KIF1B: variants seen among roughly 807,000 people sequenced by gnomAD.
The protein encoded by KIF1B is kinesin family member 1B, also known as kinesin-like protein KIF1B.
KIF1B carries 76 observed loss-of-function variants against 241.9 expected under a neutral mutation model. The ratio of observed to expected loss-of-function variants is 0.31; its 90% CI spans 0.26 to 0.38. The LOEUF is 0.38. Among genes scored for constraint, KIF1B ranks in the 10% least tolerant of loss-of-function variants. The pLI is 1.00. For synonymous variants in KIF1B, 750 were observed against 796.7 expected (o/e 0.94, Z 0.99); for missense variants, 1,622 against 2,271.4 (o/e 0.71, Z 5.81).
intron 28 of KIF1B, among the ~76,000 whole-genome samples, chr1:10,336,194 G>T (rs1009154892): frequency 1.3e-5 from 2 of 152,200 alleles, no homozygotes; most frequent in African/African-American, 4.8e-5. Context: ...TGTTGCCCAG[G>T]CTGGAGTGCA....
In KIF1B at chr1:10,303,016, G is replaced by T. The variant is rs1191230136; in HGVS notation, c.2115+5770G>T. Reference sequence around the variant, plus strand: ...TCCACATTATTGAGGGGTTTTTTTTGGTTTTGTTTTGTTTTTTAGTTTTTT... The same window carrying T: ...TCCACATTATTGAGGGGTTTTTTTTTGTTTTGTTTTGTTTTTTAGTTTTTT... On this transcript the variant is annotated intron_variant, in intron 22 of 48. Transcript: ENST00000676179. The surrounding 1 kb of genome is among the most constrained non-coding windows in gnomAD (Gnocchi z 5.2). The T allele has an allele frequency of 3.3e-5, 29 of 870,624 alleles. No homozygotes were observed. The highest frequency in any genetic ancestry group is 3.5e-4 in the Middle Eastern group (1 of 2,842). 53.9% of individuals were successfully genotyped at this position (870,624 alleles called of 1,614,324 possible). A position where few individuals can be genotyped will look rare whatever the true frequency, so the allele number is the denominator to read the frequency against.
intron 40 of KIF1B, 131 bp downstream of exon 40, chr1:10,361,956 T>A: frequency 1.0e-6 from 1 of 976,864 alleles, no homozygotes; most frequent in Non-Finnish European, 1.6e-6. Context: ...AACTGACACC[T>A]GGAATGTACT....
intron 37 of KIF1B, among the ~76,000 whole-genome samples, chr1:10,352,336 C>T (rs1272572915): frequency 6.6e-6 from 1 of 152,068 alleles, no homozygotes; most frequent in East Asian, 1.9e-4. Flanking sequence ...AGTTAAATGG[C>T]TGTTGCAGGT....
rs1064797106 is a variant in KIF1B at position 10,282,538 on chromosome 1, G to A, written c.1434+5G>A. ...GAAGCTATTGAACGTTTAAAGGTAAGTAATAGTTCAGACTGAATACAAGGT... is the reference window on the plus strand; with the variant it reads ...GAAGCTATTGAACGTTTAAAGGTAAATAATAGTTCAGACTGAATACAAGGT... On this transcript the variant is annotated splice_donor_5th_base_variant and intron_variant, in intron 15 of 48. Transcript: ENST00000676179. 1 of 1,608,538 alleles carries A rather than the reference G, an allele frequency of 6.2e-7. No individual in the cohort carries two copies. The highest frequency in any genetic ancestry group is 8.5e-7 in the Non-Finnish European group (1 of 1,174,910).
chr1:10,293,569 A>G (rs1202301006), intron 17 of KIF1B, among the ~76,000 whole-genome samples: 3 of 151,822 alleles, frequency 2.0e-5, no homozygotes, highest in Non-Finnish European at 2.9e-5. Context: ...TAAGTTTTGT[A>G]TTTTTAGTAG....
intron 22 of KIF1B, among the ~76,000 whole-genome samples, chr1:10,301,164 G>GAAAC (rs1175723015): frequency 1.3e-5 from 2 of 152,068 alleles, no homozygotes; most frequent in African/African-American, 4.8e-5. Flanking sequence ...AGCAAACAAA[G>GAAAC]AAACAAACAA....
In KIF1B at chr1:10,212,890, GTATATATATATATATATATATA is replaced by G. The variant is rs201066671; in HGVS notation, c.-80+2033_-80+2054del. ...TATGTGTGTGTGTGCATGCGTGTGTGTATATATATATATATATATATATATATATATATATATATATACACAC... is the reference window on the plus strand; with the variant it reads ...TATGTGTGTGTGTGCATGCGTGTGTGTATATATATATATATATATACACAC... On this transcript the variant is annotated intron_variant, in intron 1 of 48. Coordinates refer to ENST00000676179, the MANE Select transcript of KIF1B (RefSeq NM_001365951.3). 2.4e-3 allele frequency among the ~76,000 whole-genome samples: 261 copies of G among 109,494 alleles called. 2 individuals are homozygous for G. Among genetic ancestry groups the G allele is most frequent in the South Asian group, 9.0e-3 (29 of 3,238 alleles). 71.8% of individuals were successfully genotyped at this position (109,494 alleles called of 152,430 possible). A position where few individuals can be genotyped will look rare whatever the true frequency, so the allele number is the denominator to read the frequency against.
intron 22 of KIF1B, among the ~76,000 whole-genome samples, chr1:10,300,835 A>T (rs1650506014): frequency 6.6e-6 from 1 of 152,208 alleles, no homozygotes; most frequent in Non-Finnish European, 1.5e-5. Flanking sequence ...ATGAAAAGAA[A>T]AATTAATGTA....
At chr1:10,302,269 G>T in intron 22 of KIF1B, among the ~76,000 whole-genome samples, 1 of 152,048 alleles carries the variant, frequency 6.6e-6, no homozygotes, top group East Asian at 1.9e-4. Context: ...ATTTGTGTGT[G>T]TGAAAAACAA....
intron 28 of KIF1B, 47 bp from the exon 29 acceptor site, chr1:10,336,610 C>T (rs60373062): frequency 2.1e-6 from 3 of 1,442,424 alleles, no homozygotes; most frequent in Non-Finnish European, 2.9e-6. Flanking sequence ...CCTCCCTCCC[C>T]CTGTGTAGTC....
intron 3 of KIF1B, among the ~76,000 whole-genome samples, chr1:10,258,013 A>G (rs1647901219): frequency 6.6e-6 from 1 of 152,324 alleles, no homozygotes; most frequent in African/African-American, 2.4e-5. Flanking sequence ...GACAAAGCCT[A>G]ATTGTCAAGG....
rs34063243 is a variant in KIF1B at position 10,232,301 on chromosome 1, C to CATAT, written c.-18_-15dup. ...GATTTGATTCTTTATTTCTGGACTGCATATATATATATAACAAGGCCATTA... is the reference window on the plus strand; with the variant it reads ...GATTTGATTCTTTATTTCTGGACTGCATATATATATATATATAACAAGGCCATTA... On this transcript the variant is annotated 5_prime_UTR_variant, in exon 2 of 49. Coordinates refer to ENST00000676179, the MANE Select transcript of KIF1B (RefSeq NM_001365951.3). 8.4e-6 allele frequency: 12 copies of CATAT among 1,432,450 alleles called. No homozygotes were observed. In the African/African-American group the frequency reaches 1.5e-4, roughly 18 times the overall value. The allele number at this position is 1,432,450 out of a possible 1,614,324, so 88.7% of individuals were successfully genotyped here. A position where few individuals can be genotyped will look rare whatever the true frequency, so the allele number is the denominator to read the frequency against.
At chr1:10,276,157 C>G (rs1433691646) in intron 11 of KIF1B, among the ~76,000 whole-genome samples, 164 bp from the exon 12 acceptor site, 1 of 151,800 alleles carries the variant, frequency 6.6e-6, no homozygotes, top group Non-Finnish European at 1.5e-5. Context: ...ATCCGCCCAC[C>G]TGGGTGAAAG....
chr1:10,342,958 C>T (rs1035363157), intron 33 of KIF1B, among the ~76,000 whole-genome samples: 2 of 152,132 alleles, frequency 1.3e-5, no homozygotes, highest in African/African-American at 4.8e-5. Context: ...TGGAAAACTC[C>T]AACTTGGAAT....
At chr1:10,296,196 T>C (rs1414178488) in intron 19 of KIF1B, among the ~76,000 whole-genome samples, 5 of 152,222 alleles carry the variant, frequency 3.3e-5, no homozygotes, top group African/African-American at 1.2e-4. Flanking sequence ...TTTTCTGTTA[T>C]ATAAGTCACT....
At chr1:10,375,786 G>GTTTTTTTTTTTTTTTTTTTTTTTTTTT (rs201620952) in intron 48 of KIF1B, among the ~76,000 whole-genome samples, 1 of 69,566 alleles carries the variant, frequency 1.4e-5, no homozygotes, top group Non-Finnish European at 2.6e-5. Flanking sequence ...TTCTTTTCTT[G>GTTTTTTTTTTTTTTTTTTTTTTTTTTT]TTTTTTTTTT....
intron 25 of KIF1B, among the ~76,000 whole-genome samples, 154 bp downstream of exon 25, chr1:10,324,216 CATCT>C (rs1414191398): frequency 2.0e-5 from 3 of 152,228 alleles, no homozygotes; most frequent in African/African-American, 4.8e-5. Flanking sequence ...TATTACCATC[CATCT>C]GTTTTCTTTT....
chr1:10,324,392 T>C (rs940990207), intron 25 of KIF1B, among the ~76,000 whole-genome samples: 1 of 152,222 alleles, frequency 6.6e-6, no homozygotes, highest in Non-Finnish European at 1.5e-5. Context: ...GGATAATCAA[T>C]AATAAACATG....
chr1:10,327,436 G>GGTTGCAGTGAGACAAGATTGCACA (rs1331564720), intron 27 of KIF1B, among the ~76,000 whole-genome samples: 12 of 151,448 alleles, frequency 7.9e-5, no homozygotes, highest in African/African-American at 2.9e-4. Context: ...GGAAGGCAGA[G>GGTTGCAGTGAGACAAGATTGCACA]GTTGCAGTGA....
Sources: allele counts gnomAD v4.1 joint callset (sites outside exome capture counted in the v4.1 genomes callset), GRCh38; gene constraint gnomAD v4.1.1; non-coding constraint Gnocchi (gnomAD v3.1); transcripts MANE v1.5; gene names NCBI Gene and HGNC (gene_info 2026-07-23, HGNC 2026-07-21).